TRPV3: variants seen among roughly 807,000 people sequenced by gnomAD.
TRPV3 encodes the protein transient receptor potential cation channel subfamily V member 3, also known as VRL-3.
In TRPV3, 88 loss-of-function variants were observed where a neutral mutation model predicts 87.1. The ratio of observed to expected loss-of-function variants is 1.01; its 90% CI spans 0.85 to 1.21. The LOEUF (loss-of-function observed/expected upper bound fraction) is 1.21, where lower values mean the gene tolerates loss of function less well. Among genes scored for constraint, TRPV3 ranks in the 50% most tolerant of loss-of-function variants. The pLI, the probability that TRPV3 is intolerant of heterozygous loss-of-function variation, is 0.00. For missense variants in TRPV3, 1,054 were observed against 1,030.1 expected (o/e 1.02, Z -0.32); for synonymous variants, 438 against 423.3 (o/e 1.03, Z -0.43).
intron 2 of TRPV3, 103 bp from the exon 3 acceptor site, chr17:3,545,374 A>G (rs1054341826): frequency 5.4e-5 from 44 of 814,862 alleles, no homozygotes; most frequent in Middle Eastern, 4.6e-4. Flanking sequence ...CTGAGCACAC[A>G]CCCTGGCCAG....
At chr17:3,514,898 AG>A (rs1406598043) in intron 16 of TRPV3, among the ~76,000 whole-genome samples, 3 of 152,106 alleles carry the variant, frequency 2.0e-5, no homozygotes. Context: ...CTTCCATTGT[AG>A]GGAACTCGGA....
At chr17:3,520,881 T>C in intron 14 of TRPV3, 92 bp downstream of exon 14, 1 of 762,522 alleles carries the variant, frequency 1.3e-6, no homozygotes, top group East Asian at 2.9e-5. Context: ...GTTGGTCTAA[T>C]TGTTGCCAAG....
intron 2 of TRPV3, among the ~76,000 whole-genome samples, chr17:3,546,391 G>A (rs1049909218): frequency 9.2e-5 from 14 of 151,790 alleles, no homozygotes; most frequent in Non-Finnish European, 1.5e-4. Context: ...GCAGTGAGCC[G>A]AGATCATGCC....
rs1468395620 is a variant in TRPV3 at position 3,528,505 on chromosome 17, C to T, written c.1401+332G>A. On this transcript the variant is annotated intron_variant, in intron 10 of 17. Transcript: ENST00000576742. This position sits in a 1 kb window ranked among gnomAD's most constrained non-coding sequence, Gnocchi z 4.2. The stretch of plus-strand genomic sequence containing the variant: ...ACCGAAGCCCAGCAGGCAGGGAGAG[C>T]TTATCCTCCTCCCGTTTCCTGCAGC... Among the ~76,000 whole-genome samples, 4 of 152,310 alleles carry T rather than the reference C, an allele frequency of 2.6e-5. 1 individual carries two copies. In the Middle Eastern group the frequency reaches 0.014, roughly 518 times the overall value.
chr17:3,554,958 G>C, intron 1 of TRPV3, 106 bp from the exon 2 acceptor site: 1 of 648,294 alleles, frequency 1.5e-6, no homozygotes, highest in Non-Finnish European at 2.7e-6. Context: ...CACACTACCT[G>C]GAACTGGAAG....
At chr17:3,535,992 G>A (rs73971809) in intron 6 of TRPV3, among the ~76,000 whole-genome samples, 6,499 of 152,330 alleles carry the variant, frequency 0.043, 444 homozygotes, top group African/African-American at 0.14. Flanking sequence ...CAAGAAGCCC[G>A]CAGTGTCACT....
intron 14 of TRPV3, among the ~76,000 whole-genome samples, chr17:3,519,622 A>ATGGC (rs2074220975): frequency 6.8e-6 from 1 of 147,710 alleles, no homozygotes; most frequent in Admixed American, 6.7e-5. Flanking sequence ...GGATGGATGG[A>ATGGC]TGGATGGATG....
chr17:3,518,814 T>C lies in TRPV3; in HGVS notation c.1847A>G (p.Asn616Ser). Residue 616 changes from asparagine to serine, a missense_variant, in exon 15 of 18, where the codon AAC (asparagine) becomes AGC (serine). Coordinates refer to ENST00000576742, the MANE Select transcript of TRPV3 (RefSeq NM_145068.4). The surrounding 1 kb of genome is among the most constrained non-coding windows in gnomAD (Gnocchi z 4.3). The stretch of plus-strand genomic sequence containing the variant: ...GCTGCCGTAGGAGCTGCAGTCCTTG[T>C]TGTCTTTGGGACACTTCTCGATCAG... ...ASLIEKCPKD[N>S]KDCSSYGSFS... The C allele has an allele frequency of 6.2e-7, 1 of 1,614,142 alleles. No homozygotes were observed. Among genetic ancestry groups the C allele is most frequent in the Non-Finnish European group, 8.5e-7 (1 of 1,180,006 alleles).
chr17:3,525,130 C>G (rs1038498665), intron 12 of TRPV3, among the ~76,000 whole-genome samples: 1 of 152,108 alleles, frequency 6.6e-6, no homozygotes. Flanking sequence ...AGTGATTCTC[C>G]TGCCTCAGCC....
At chr17:3,535,742 C>G in intron 6 of TRPV3, 29 bp from the exon 7 acceptor site, 1 of 1,444,856 alleles carries the variant, frequency 6.9e-7, no homozygotes, top group Non-Finnish European at 9.1e-7. Flanking sequence ...CGCGCGGGAG[C>G]CTCAGCGCCG....
At chr17:3,537,951 C>T (rs1397589344) in intron 6 of TRPV3, among the ~76,000 whole-genome samples, 1 of 147,698 alleles carries the variant, frequency 6.8e-6, no homozygotes, top group African/African-American at 2.5e-5. Flanking sequence ...GTAATCCCAG[C>T]ACTTTGGGAG....
intron 15 of TRPV3, 108 bp from the exon 16 acceptor site, chr17:3,516,677 A>G (rs977526304): frequency 9.2e-5 from 72 of 781,856 alleles, no homozygotes; most frequent in South Asian, 8.6e-4. Context: ...TGCTTAATGC[A>G]TAGATCGCAA....
Position 3,525,904 on chromosome 17 carries a change from C to A in TRPV3, c.1577+950G>T, listed in dbSNP as rs184921571. On this transcript the variant is annotated intron_variant, in intron 12 of 17. Transcript: ENST00000576742. ...TGCTGGGATTACAAGCATGACCCAT[C>A]GTGCCCGGCCCACAGTTAAAATGTT... is the stretch of plus-strand genomic sequence containing the variant. 4.6e-5 allele frequency among the ~76,000 whole-genome samples: 7 copies of A among 152,272 alleles called. No homozygotes were observed. The South Asian group carries it at 8.3e-4, about 18-fold the overall frequency.
rs1216729176 is a variant in TRPV3, at chr17:3,528,644, C to T, written c.1401+193G>A. ...CCAGCAAGGGTCTGCCCTTGGGACTCGGCACCTGGGGCTTAGCCCAGGCTA... is the reference window on the plus strand; with the variant it reads ...CCAGCAAGGGTCTGCCCTTGGGACTTGGCACCTGGGGCTTAGCCCAGGCTA... On this transcript the variant is annotated intron_variant, in intron 10 of 17. Transcript: ENST00000576742. This position sits in a 1 kb window ranked among gnomAD's most constrained non-coding sequence, Gnocchi z 4.2. Among the ~76,000 whole-genome samples, 2 of 152,212 alleles carry T rather than the reference C, an allele frequency of 1.3e-5. No individual in the cohort carries two copies. The highest frequency in any genetic ancestry group is 2.4e-5 in the African/African-American group (1 of 41,462).
rs2074639596 is a variant in TRPV3 at position 3,557,076 on chromosome 17, G to A, written c.-3+600C>T. The stretch of plus-strand genomic sequence containing the variant: ...AGAGGCTCAGGGAACTCTGGACTAG[G>A]GCCGCAGCAGCTATCATTAGCTCCC... On this transcript the variant is annotated intron_variant, in intron 1 of 17. Transcript: ENST00000576742. This position sits in a 1 kb window ranked among gnomAD's most constrained non-coding sequence, Gnocchi z 4.5. Among the ~76,000 whole-genome samples the A allele has an allele frequency of 6.6e-6, 1 of 152,018 alleles. No homozygotes were observed. The highest frequency in any genetic ancestry group is 2.4e-5 in the African/African-American group (1 of 41,372).
At position 3,528,615 on chromosome 17, in the gene TRPV3, C is replaced by T. The variant is rs1377638881; in HGVS notation, c.1401+222G>A. On this transcript the variant is annotated intron_variant, in intron 10 of 17. Transcript: ENST00000576742. The surrounding 1 kb of genome is among the most constrained non-coding windows in gnomAD (Gnocchi z 4.2). ...CTGAGTCTCCGAATTCTCCAACTTT[C>T]CTCCCAGCAAGGGTCTGCCCTTGGG... Among the ~76,000 whole-genome samples the T allele has an allele frequency of 6.6e-6, 1 of 152,218 alleles. No homozygotes were observed. The highest frequency in any genetic ancestry group is 2.4e-5 in the African/African-American group (1 of 41,468).
At chr17:3,522,050 TG>T (rs2074251712) in intron 13 of TRPV3, among the ~76,000 whole-genome samples, 1 of 152,130 alleles carries the variant, frequency 6.6e-6, no homozygotes, top group South Asian at 2.1e-4. Flanking sequence ...CACTCCAGCC[TG>T]GGGGGCAGAG....
chr17:3,527,990 CG>C (rs1408439867), intron 11 of TRPV3, 34 bp downstream of exon 11: 2 of 1,551,946 alleles, frequency 1.3e-6, no homozygotes, highest in African/African-American at 2.7e-5. Context: ...GCCTGCCTCG[CG>C]GGGCGGTCTG....
rs1013921352 is a variant in TRPV3 at position 3,528,771 on chromosome 17, G to A, written c.1401+66C>T. 40 of 1,587,116 alleles carry A rather than the reference G, an allele frequency of 2.5e-5. No individual in the cohort carries two copies. The highest frequency in any genetic ancestry group is 9.0e-5 in the East Asian group (4 of 44,538). ...TGGGCCTCAGTTTTCCCACCTGCAC[G>A]TGGGGCAGCTCCAAGCCCCTCCAGC... On this transcript the variant is annotated intron_variant, in intron 10 of 17. Transcript: ENST00000576742. This position sits in a 1 kb window ranked among gnomAD's most constrained non-coding sequence, Gnocchi z 4.2.
Sources: allele counts gnomAD v4.1 joint callset (sites outside exome capture counted in the v4.1 genomes callset), GRCh38; gene constraint gnomAD v4.1.1; non-coding constraint Gnocchi (gnomAD v3.1); transcripts MANE v1.5; gene names NCBI Gene and HGNC (gene_info 2026-07-23, HGNC 2026-07-21).